LMCD1: variants seen among roughly 807,000 people sequenced by gnomAD.
LMCD1 encodes LIM and cysteine rich domains 1, also known as LIM and cysteine-rich domains protein 1.
Under a neutral mutation model 42.7 loss-of-function variants are expected in LMCD1, and 32 were observed. The ratio of observed to expected loss-of-function variants is 0.75; its 90% CI spans 0.57 to 1.01. The LOEUF is 1.01. LMCD1 is among the 50% of genes least tolerant of loss of function. The pLI is 0.00. For missense variants in LMCD1, 458 were observed against 483.1 expected, an observed-to-expected ratio of 0.95 and a Z score of 0.49; for synonymous variants, 178 against 184.9, an observed-to-expected ratio of 0.96 and a Z score of 0.30.
chr3:8,537,205 A>C lies in LMCD1; in HGVS notation c.152A>C (p.Lys51Thr), dbSNP rs750134824. Residue 51 changes from lysine (K) to threonine (T), a missense_variant, in exon 3 of 6, where the codon AAA becomes ACA. Transcript: ENST00000157600. ...HSWRKICKSC[K>T]CSQEDHCLTS... ...CCCAGGAAAATATGCAAGTCTTGCA[A>C]ATGCAGCCAAGAGGACCACTGCCTA... 1.2e-6 allele frequency: 2 copies of C among 1,614,044 alleles called. No homozygotes were observed. The highest frequency in any genetic ancestry group is 1.7e-6 in the Non-Finnish European group (2 of 1,179,938).
chr3:8,512,861 T>C (rs1694027531), intron 1 of LMCD1, among the ~76,000 whole-genome samples: 1 of 152,244 alleles, frequency 6.6e-6, no homozygotes, highest in Non-Finnish European at 1.5e-5. Flanking sequence ...CAAAGCCAGA[T>C]GACTTGCTTG....
intron 3 of LMCD1, among the ~76,000 whole-genome samples, chr3:8,539,343 T>G (rs1272498891): frequency 6.6e-6 from 1 of 152,210 alleles, no homozygotes; most frequent in Non-Finnish European, 1.5e-5. Context: ...GATCACCCTG[T>G]AAGGCCGAGT....
In LMCD1 at chr3:8,573,487, T is replaced by G. The variant is rs933775926; in HGVS notation, c.*5889T>G. 3.3e-5 allele frequency: 5 copies of G among 152,204 alleles called. No individual in the cohort carries two copies. The highest frequency in any genetic ancestry group is 7.3e-5 in the Non-Finnish European group (5 of 68,040). The allele number at this position is 152,204 out of a possible 1,614,324, so 9.4% of individuals were successfully genotyped here. On this transcript the variant is annotated 3_prime_UTR_variant, in exon 6 of 6. Coordinates refer to ENST00000157600, the MANE Select transcript of LMCD1 (RefSeq NM_014583.4). ...ACTTGACTCGCTGGGTTATCAGGCT[T>G]TGGCTCCAAATGTTTGGCTTCAAAT... is the stretch of plus-strand genomic sequence containing the variant.
chr3:8,537,537 C>G, intron 3 of LMCD1, 97 bp downstream of exon 3: 1 of 1,343,224 alleles, frequency 7.4e-7, no homozygotes, highest in Non-Finnish European at 1.0e-6. Context: ...GTGGCAAGAG[C>G]TCAAGGTCAC....
At chr3:8,518,778 C>A (rs1257680647) in intron 1 of LMCD1, among the ~76,000 whole-genome samples, 1 of 151,974 alleles carries the variant, frequency 6.6e-6, no homozygotes, top group Non-Finnish European at 1.5e-5. Context: ...GTGGGAGAAC[C>A]TTGGGGAGAG....
At chr3:8,550,188 G>A (rs1448352622) in intron 4 of LMCD1, 46 of 1,267,056 alleles carry the variant, frequency 3.6e-5, no homozygotes, top group South Asian at 1.9e-4. Flanking sequence ...CACAGAAGGC[G>A]AAAGGAATGC....
intron 1 of LMCD1, among the ~76,000 whole-genome samples, chr3:8,507,338 T>C (rs1693904993): frequency 6.6e-6 from 1 of 152,246 alleles, no homozygotes; most frequent in South Asian, 2.1e-4. Context: ...ACAAATTTAG[T>C]ATCTAATCCT....
intron 1 of LMCD1, among the ~76,000 whole-genome samples, chr3:8,502,599 C>T (rs962035971): frequency 2.7e-5 from 4 of 147,286 alleles, no homozygotes; most frequent in Non-Finnish European, 5.9e-5. Flanking sequence ...CACACACACA[C>T]ACACACACGC....
At chr3:8,526,727 CT>C (rs1183812221) in intron 1 of LMCD1, among the ~76,000 whole-genome samples, 2 of 152,210 alleles carry the variant, frequency 1.3e-5, no homozygotes, top group African/African-American at 4.8e-5. Flanking sequence ...TTGAGAACCA[CT>C]GCAACATACC....
At chr3:8,545,893 T>G (rs1322395948) in intron 3 of LMCD1, among the ~76,000 whole-genome samples, 2 of 152,192 alleles carry the variant, frequency 1.3e-5, no homozygotes, top group Non-Finnish European at 2.9e-5. Context: ...CCCAGCATTT[T>G]GGGAGGCCGA....
chr3:8,549,959 C>T (rs778639021), intron 4 of LMCD1: 79 of 1,214,434 alleles, frequency 6.5e-5, no homozygotes, highest in Non-Finnish European at 9.0e-5. Flanking sequence ...GCCCTCACGA[C>T]CCAATCATCT....
At chr3:8,514,826 A>G (rs1438168241) in intron 1 of LMCD1, 1 of 398,770 alleles carries the variant, frequency 2.5e-6, no homozygotes, top group African/African-American at 2.1e-5. Flanking sequence ...GATAGAAATC[A>G]GAATAGCAAC....
At chr3:8,539,677 G>A (rs1485427155) in intron 3 of LMCD1, among the ~76,000 whole-genome samples, 2 of 152,046 alleles carry the variant, frequency 1.3e-5, no homozygotes, top group Non-Finnish European at 2.9e-5. Flanking sequence ...ATTAATGCTG[G>A]CTCATAAAAC....
chr3:8,573,716 T>C lies in LMCD1; in HGVS notation c.*6118T>C, dbSNP rs1206615509. 2.6e-5 allele frequency: 4 copies of C among 152,192 alleles called. No homozygotes were observed. The highest frequency in any genetic ancestry group is 2.1e-4 in the South Asian group (1 of 4,832). The allele number at this position is 152,192 out of a possible 1,614,324, so 9.4% of individuals were successfully genotyped here. A position where few individuals can be genotyped will look rare whatever the true frequency, so the allele number is the denominator to read the frequency against. On this transcript the variant is annotated 3_prime_UTR_variant, in exon 6 of 6. Coordinates refer to ENST00000157600, the MANE Select transcript of LMCD1 (RefSeq NM_014583.4). The stretch of plus-strand genomic sequence containing the variant: ...TCTGATTCCTTTGGGTCTCTAATAA[T>C]GGAAACTGCAAGGATCAGCATAAAG...
At chr3:8,528,184 C>T (rs1463434448) in intron 1 of LMCD1, among the ~76,000 whole-genome samples, 3 of 152,144 alleles carry the variant, frequency 2.0e-5, no homozygotes, top group Non-Finnish European at 4.4e-5. Flanking sequence ...ACTCACCTTT[C>T]TGCCTTATGT....
In LMCD1 at chr3:8,567,431, C is replaced by T. The variant is rs200487687; in HGVS notation, c.940-9C>T. 6.0e-5 allele frequency: 96 copies of T among 1,613,018 alleles called. No individual in the cohort carries two copies. The highest frequency in any genetic ancestry group is 1.2e-4 in the Admixed American group (7 of 59,942). On this transcript the variant is annotated splice_polypyrimidine_tract_variant and intron_variant, in intron 5 of 5. Transcript: ENST00000157600. ...CTGAGTCATGCATTTCTCCTGCTCC[C>T]CTCCCCAGATAATATTCGCTGAGGA...
chr3:8,555,328 C>T (rs1250036537), intron 4 of LMCD1, among the ~76,000 whole-genome samples: 1 of 152,174 alleles, frequency 6.6e-6, no homozygotes, highest in African/African-American at 2.4e-5. Context: ...CTTGTGGGCT[C>T]GGCAGGCAGG....
chr3:8,553,769 C>T (rs997006315), intron 4 of LMCD1, among the ~76,000 whole-genome samples: 6 of 152,186 alleles, frequency 3.9e-5, no homozygotes, highest in South Asian at 2.1e-4. Flanking sequence ...GAAGGTCCTC[C>T]GGCCACCAAG....
intron 4 of LMCD1, among the ~76,000 whole-genome samples, chr3:8,563,404 G>A (rs1695074539): frequency 6.6e-6 from 1 of 152,234 alleles, no homozygotes; most frequent in South Asian, 2.1e-4. Flanking sequence ...ATGGCAGGGT[G>A]GAGCATTCCT....
Sources: gnomAD v4.1 joint callset for allele counts (sites outside exome capture counted in the v4.1 genomes callset) on GRCh38, gnomAD v4.1.1 for gene constraint, MANE v1.5 for transcripts, NCBI Gene and HGNC (gene_info 2026-07-23, HGNC 2026-07-21) for gene names.